MYO1G: variants seen among roughly 807,000 people sequenced by gnomAD.
MYO1G encodes myosin IG, also known as unconventional myosin-Ig.
MYO1G carries 65 observed loss-of-function variants against 115.3 expected under a neutral mutation model. The ratio of observed to expected loss-of-function variants is 0.56; its 90% confidence interval spans 0.46 to 0.69. MYO1G has a LOEUF of 0.69. Ranked by LOEUF, MYO1G falls within the 30% of genes least tolerant of loss-of-function variation. The pLI is 0.00. For synonymous variants in MYO1G, 510 were observed against 552.6 expected, an observed-to-expected ratio of 0.92 and a Z score of 1.08; for missense variants, 1,204 against 1,393.5, an observed-to-expected ratio of 0.86 and a Z score of 2.16.
Position 44,966,376 on chromosome 7 carries a change from C to T in MYO1G, c.1950-96G>A, listed in dbSNP as rs552483528. On this transcript the variant is annotated intron_variant, in intron 15 of 21. Coordinates refer to ENST00000258787, the MANE Select transcript of MYO1G (RefSeq NM_033054.3). This position sits in a 1 kb window ranked among gnomAD's most constrained non-coding sequence, Gnocchi z 5.0. ...CACACCTGGGGAGATGGCAGGGATA[C>T]AGAGTGTGTTCCTGGAGCACTTATG... 6.3e-4 allele frequency: 714 copies of T among 1,139,124 alleles called. 1 individual carries two copies. The highest frequency in any genetic ancestry group is 8.0e-4 in the Admixed American group (40 of 49,938). The allele number at this position is 1,139,124 out of a possible 1,614,324, so 70.6% of individuals were successfully genotyped here.
chr7:44,971,111 T>A, intron 7 of MYO1G, 52 bp from the exon 8 acceptor site: 1 of 1,482,190 alleles, frequency 6.7e-7, no homozygotes, highest in Non-Finnish European at 9.2e-7. Flanking sequence ...CAAAAGAGCC[T>A]GGACAACTTT....
chr7:44,978,889 A>G lies in MYO1G; in HGVS notation c.73T>C (p.Phe25Leu). ...VLLDQVTMED[F>L]MRNLQLRFEK... Reference sequence around the variant, plus strand: ...TACCTGAGCTGCAGGTTCCTCATGAAGTCCTCCATGGTCACTTGGTCCAAA... The same window carrying G: ...TACCTGAGCTGCAGGTTCCTCATGAGGTCCTCCATGGTCACTTGGTCCAAA... The change falls in exon 1 of 22, where the codon TTC becomes CTC. Residue 25 changes from phenylalanine (F) to leucine (L), a missense_variant. Coordinates refer to ENST00000258787, the MANE Select transcript of MYO1G (RefSeq NM_033054.3). 6.2e-7 allele frequency: 1 copy of G among 1,614,170 alleles called. No homozygotes were observed. Among genetic ancestry groups the G allele is most frequent in the Non-Finnish European group, 8.5e-7 (1 of 1,180,000 alleles).
Position 44,965,064 on chromosome 7 carries a change from T to C in MYO1G, c.2407A>G (p.Asn803Asp). Residue 803 changes from asparagine to aspartate, a missense_variant, in exon 18 of 22, where the codon AAC (asparagine) becomes GAC (aspartate). Physicochemically the swap from Asn to Asp is conservative, Grantham distance 23 (BLOSUM62 1). Coordinates refer to ENST00000258787, the MANE Select transcript of MYO1G (RefSeq NM_033054.3). Reference sequence around the variant, plus strand: ...TGGGGCATGTCTGAAGGGGGGATGTTCTTCACCAGCTGCCGGGCCCGCCAC... The same window carrying C: ...TGGGGCATGTCTGAAGGGGGGATGTCCTTCACCAGCTGCCGGGCCCGCCAC... ...CRWRARQLVK[N>D]IPPSDMPQIK... is the part of the protein sequence containing the mutation. 6.2e-7 allele frequency: 1 copy of C among 1,608,892 alleles called. No individual in the cohort carries two copies. The highest frequency in any genetic ancestry group is 8.5e-7 in the Non-Finnish European group (1 of 1,176,554).
chr7:44,972,065 A>G (rs1562831868), intron 6 of MYO1G, 50 bp downstream of exon 6: 1 of 1,408,342 alleles, frequency 7.1e-7, no homozygotes, highest in Non-Finnish European at 1.0e-6. Context: ...CACCACACTC[A>G]GGCCCTGACA....
chr7:44,978,725 C>T, intron 1 of MYO1G, 142 bp downstream of exon 1: 1 of 702,680 alleles, frequency 1.4e-6, no homozygotes, highest in Non-Finnish European at 2.4e-6. Flanking sequence ...CTCATTTCAG[C>T]CCCATCTGGT....
chr7:44,971,842 G>GT, intron 6 of MYO1G, 53 bp from the exon 7 acceptor site: 1 of 1,362,234 alleles, frequency 7.3e-7, no homozygotes, highest in Non-Finnish European at 1.0e-6. Flanking sequence ...CAGGACACCT[G>GT]TCTCCCTTGA....
Position 44,964,929 on chromosome 7 carries a change from C to T in MYO1G, c.2526+16G>A, listed in dbSNP as rs756664331. ...CCCACTTCCCCCTGGCAGCCCTGGA[C>T]TCGCCTGGCACTTACAGAGGACAGG... On this transcript the variant is annotated intron_variant, in intron 18 of 21. Transcript: ENST00000258787. This position sits in a 1 kb window ranked among gnomAD's most constrained non-coding sequence, Gnocchi z 5.1. 3.8e-6 allele frequency: 6 copies of T among 1,585,348 alleles called. No individual in the cohort carries two copies. Among genetic ancestry groups the T allele is most frequent in the Admixed American group, 1.7e-5 (1 of 58,492 alleles).
In MYO1G at chr7:44,962,975, G is replaced by A. The variant is rs1184011320; in HGVS notation, c.2895C>T (p.Cys965=). ...GELVGVLAAH[C]QGEGRTLEVR... is the part of the protein sequence containing the mutation. ...ACCGCCCAGCCTGCACTCACCCCTG[G>A]CAGTGTGCGGCCAGCACGCCCACCA... The change falls in exon 21 of 22, where the codon TGC becomes TGT. Residue 965 remains cysteine, a synonymous_variant. Transcript: ENST00000258787. The surrounding 1 kb of genome is among the most constrained non-coding windows in gnomAD (Gnocchi z 5.3). 2 of 1,532,540 alleles carry A rather than the reference G, an allele frequency of 1.3e-6. No homozygotes were observed. The highest frequency in any genetic ancestry group is 5.0e-5 in the East Asian group (2 of 39,932). The allele number at this position is 1,532,540 out of a possible 1,614,324, so 94.9% of individuals were successfully genotyped here. A position where few individuals can be genotyped will look rare whatever the true frequency, so the allele number is the denominator to read the frequency against.
chr7:44,972,378 G>A (rs1794975617), intron 5 of MYO1G, 153 bp from the exon 6 acceptor site: 1 of 624,260 alleles, frequency 1.6e-6, no homozygotes, highest in Non-Finnish European at 2.9e-6. Flanking sequence ...GTTTCTGTGT[G>A]CCAGCAAGCT....
chr7:44,965,974 G>A (rs1794834128), intron 16 of MYO1G, 99 bp downstream of exon 16: 2 of 1,545,568 alleles, frequency 1.3e-6, no homozygotes, highest in African/African-American at 2.7e-5. Flanking sequence ...TCTCCATCAA[G>A]CAGAGACTCC....
At position 44,970,051 on chromosome 7, in the gene MYO1G, T is replaced by C. The variant is rs199914832; in HGVS notation, c.1321A>G (p.Thr441Ala). ...EQEEYEREGITWQSVEYFNNA... is the reference protein window; with the variant it reads ...EQEEYEREGIAWQSVEYFNNA... ...GCCACAGTGCTCACGCTCTGCCAGGTGATGCCCTCGCGCTCGTACTCTTCC... is the reference window on the plus strand; with the variant it reads ...GCCACAGTGCTCACGCTCTGCCAGGCGATGCCCTCGCGCTCGTACTCTTCC... Residue 441 changes from threonine to alanine, a missense_variant, in exon 10 of 22, where the codon ACC (threonine) becomes GCC (alanine). Coordinates refer to ENST00000258787, the MANE Select transcript of MYO1G (RefSeq NM_033054.3). The C allele has an allele frequency of 1.5e-4, 245 of 1,613,868 alleles. 1 individual carries two copies. Among genetic ancestry groups the C allele is most frequent in the Non-Finnish European group, 2.0e-4 (237 of 1,179,902 alleles).
At chr7:44,970,350 T>C (rs959593494) in intron 9 of MYO1G, among the ~76,000 whole-genome samples, 196 bp from the exon 10 acceptor site, 33 of 152,228 alleles carry the variant, frequency 2.2e-4, no homozygotes, top group African/African-American at 8.0e-4. Flanking sequence ...ATGCACGTTC[T>C]GGAGTGGACT....
chr7:44,977,638 C>G (rs1183611268), intron 1 of MYO1G, among the ~76,000 whole-genome samples: 1 of 152,112 alleles, frequency 6.6e-6, no homozygotes, highest in Non-Finnish European at 1.5e-5. Context: ...TGCTGCCTCT[C>G]CCCTGGCACA....
Position 44,962,978 on chromosome 7 carries a change from G to A in MYO1G, c.2892C>T (p.His964=). The change falls in exon 21 of 22, where the codon CAC becomes CAT. Residue 964 remains histidine (H), a synonymous_variant. Transcript: ENST00000258787. The surrounding 1 kb of genome is among the most constrained non-coding windows in gnomAD (Gnocchi z 5.3). ...GCCCAGCCTGCACTCACCCCTGGCA[G>A]TGTGCGGCCAGCACGCCCACCAGCT... ...VGELVGVLAA[H]CQGEGRTLEV... is the part of the protein sequence containing the mutation. 1 of 1,532,882 alleles carries A rather than the reference G, an allele frequency of 6.5e-7. No homozygotes were observed. Among genetic ancestry groups the A allele is most frequent in the Non-Finnish European group, 8.7e-7 (1 of 1,144,046 alleles). The allele number at this position is 1,532,882 out of a possible 1,614,324, so 95.0% of individuals were successfully genotyped here.
rs761422374 is a variant in MYO1G at position 44,963,119 on chromosome 7, C to T, written c.2751G>A (p.Thr917=). ...CTCCTCCGCTGGTCACGCTCAGCCC[C>T]GTCACCTGAGCGGAGCGCGGGGTCA... is the stretch of plus-strand genomic sequence containing the variant. The part of the protein sequence containing the change: ...VMRAVPLEAV[T]GLSVTSGGDQ... Residue 917 remains threonine, a synonymous_variant, in exon 21 of 22, where the codon ACG becomes ACA. Coordinates refer to ENST00000258787, the MANE Select transcript of MYO1G (RefSeq NM_033054.3). This position sits in a 1 kb window ranked among gnomAD's most constrained non-coding sequence, Gnocchi z 4.1. 1.1e-5 allele frequency: 16 copies of T among 1,479,098 alleles called. No individual in the cohort carries two copies. In the African/African-American group the frequency reaches 2.1e-4, roughly 19 times the overall value. 91.6% of individuals were successfully genotyped at this position (1,479,098 alleles called of 1,614,324 possible).
chr7:44,968,901 A>C, intron 12 of MYO1G: 2 of 165,928 alleles, frequency 1.2e-5, no homozygotes, highest in Non-Finnish European at 1.3e-5. Flanking sequence ...TGAAACACTT[A>C]TACCTTGATG....
Position 44,969,360 on chromosome 7 carries a change from A to G in MYO1G, c.1574+53T>C, listed in dbSNP as rs1374546981. 1.9e-6 allele frequency: 3 copies of G among 1,585,144 alleles called. No homozygotes were observed. The highest frequency in any genetic ancestry group is 8.7e-7 in the Non-Finnish European group (1 of 1,154,238). On this transcript the variant is annotated intron_variant, in intron 12 of 21. Transcript: ENST00000258787. This position sits in a 1 kb window ranked among gnomAD's most constrained non-coding sequence, Gnocchi z 5.0. ...CTGAAGCGCTCCTGCCCCATGACAC[A>G]TGCCATGGTGCCTGTGGGAAAGCCA...
intron 3 of MYO1G, 49 bp from the exon 4 acceptor site, chr7:44,975,698 G>A (rs1335077034): frequency 1.3e-6 from 2 of 1,513,534 alleles, no homozygotes; most frequent in East Asian, 4.6e-5. Context: ...TCCCATCTGG[G>A]GAATGCTGTC....
chr7:44,964,816 A>T lies in MYO1G; in HGVS notation c.2526+129T>A. 7 of 1,368,308 alleles carry T rather than the reference A, an allele frequency of 5.1e-6. No individual in the cohort carries two copies. Among genetic ancestry groups the T allele is most frequent in the Non-Finnish European group, 7.0e-6 (7 of 1,002,400 alleles). 84.8% of individuals were successfully genotyped at this position (1,368,308 alleles called of 1,614,324 possible). ...AGAGCTCTGGTGGGGGCTGAGGTAC[A>T]GGGCCACCAGGACAGACAACCCCAG... is the stretch of plus-strand genomic sequence containing the variant. On this transcript the variant is annotated intron_variant, in intron 18 of 21. Transcript: ENST00000258787. This position sits in a 1 kb window ranked among gnomAD's most constrained non-coding sequence, Gnocchi z 5.1.
Sources: allele counts gnomAD v4.1 joint callset (sites outside exome capture counted in the v4.1 genomes callset), GRCh38; gene constraint gnomAD v4.1.1; non-coding constraint Gnocchi (gnomAD v3.1); transcripts MANE v1.5; gene names NCBI Gene and HGNC (gene_info 2026-07-23, HGNC 2026-07-21).